RDX: variants seen among roughly 807,000 people sequenced by gnomAD.
RDX encodes the protein deafness, autosomal recessive 24.
RDX carries 32 observed loss-of-function variants against 83.7 expected under a neutral mutation model. The ratio of observed to expected loss-of-function variants is 0.38; its 90% confidence interval spans 0.29 to 0.51. The LOEUF is 0.51. Among genes scored for constraint, RDX ranks in the 20% least tolerant of loss-of-function variants. The pLI, the probability that RDX is intolerant of heterozygous loss-of-function variation, is 0.87. For missense variants in RDX, 600 were observed against 689.9 expected (o/e 0.87, Z 1.46); for synonymous variants, 229 against 222.7 (o/e 1.03, Z -0.25).
At position 110,256,996 on chromosome 11, in the gene RDX, G is replaced by A. The variant is rs1384458008; in HGVS notation, c.698+771C>T. On this transcript the variant is annotated intron_variant, in intron 7 of 13. Transcript: ENST00000645495. ...ATTAATTACTGGCATAGACTTGCAT[G>A]CTTATGTGGTATGGTAAATAAATTA... Among the ~76,000 whole-genome samples the A allele has an allele frequency of 3.3e-5, 5 of 151,100 alleles. 1 individual carries two copies. Among genetic ancestry groups the A allele is most frequent in the Non-Finnish European group, 7.4e-5 (5 of 67,838 alleles).
chr11:110,212,725 A>T (rs1368493976), intron 14 of RDX, among the ~76,000 whole-genome samples: 1 of 121,676 alleles, frequency 8.2e-6, no homozygotes, highest in African/African-American at 3.3e-5. Context: ...ACAGAGCCAA[A>T]GACAAAAACC....
chr11:110,223,021 G>A (rs1864305494), intron 14 of RDX, among the ~76,000 whole-genome samples: 1 of 152,002 alleles, frequency 6.6e-6, no homozygotes, highest in South Asian at 2.1e-4. Context: ...TACAATGAAC[G>A]ATTATATGTC....
chr11:110,276,322 C>A (rs1057378171), intron 2 of RDX, among the ~76,000 whole-genome samples: 1 of 152,016 alleles, frequency 6.6e-6, no homozygotes. Context: ...AATCAAGTAT[C>A]TGCATAAGTG....
At position 110,266,203 on chromosome 11, in the gene RDX, T is replaced by TGG. The variant is rs1367792399; in HGVS notation, c.97-1330_97-1329insCC. Among the ~76,000 whole-genome samples the TGG allele has an allele frequency of 6.7e-3, 1,009 of 150,076 alleles. 18 individuals are homozygous for TGG. Among genetic ancestry groups the TGG allele is most frequent in the African/African-American group, 0.02 (834 of 40,896 alleles). On this transcript the variant is annotated intron_variant, in intron 3 of 13. Transcript: ENST00000645495. The stretch of plus-strand genomic sequence containing the variant: ...AAAAAATTAGCTGGGCGTGGTGGCA[T>TGG]GCGCCTGTAGTCCCAGCCACTTGGG...
At chr11:110,288,551 C>A (rs1354855747) in intron 1 of RDX, among the ~76,000 whole-genome samples, 1 of 152,142 alleles carries the variant, frequency 6.6e-6, no homozygotes, top group Non-Finnish European at 1.5e-5. Flanking sequence ...TAATTCTACC[C>A]TTAATGTGCT....
chr11:110,296,381 G>C (rs1240774418), intron 1 of RDX, 86 bp downstream of exon 1: 3 of 151,664 alleles, frequency 2.0e-5, no homozygotes, highest in African/African-American at 4.8e-5. Context: ...CGGGCAGCAC[G>C]GGCCCCGCAA....
At chr11:110,243,975 C>T (rs796207446) in intron 10 of RDX, among the ~76,000 whole-genome samples, 32 of 152,146 alleles carry the variant, frequency 2.1e-4, no homozygotes, top group African/African-American at 7.7e-4. Context: ...AATACAGTTA[C>T]CACATGACCC....
chr11:110,269,336 G>A (rs1475618508), intron 3 of RDX, among the ~76,000 whole-genome samples: 1 of 152,036 alleles, frequency 6.6e-6, no homozygotes, highest in Non-Finnish European at 1.5e-5. Flanking sequence ...ACTCTTTGGG[G>A]GTATGAACAC....
At chr11:110,275,645 T>C (rs1860483466) in intron 2 of RDX, among the ~76,000 whole-genome samples, 1 of 152,188 alleles carries the variant, frequency 6.6e-6, no homozygotes, top group South Asian at 2.1e-4. Flanking sequence ...TTGTCAGTTA[T>C]TTCTTACAAA....
intron 14 of RDX, among the ~76,000 whole-genome samples, chr11:110,218,881 T>G (rs1310303404): frequency 4.6e-5 from 7 of 152,138 alleles, no homozygotes; most frequent in Non-Finnish European, 1.0e-4. Flanking sequence ...AGCTCATCTA[T>G]CCATTCGTTT....
At chr11:110,225,842 T>G (rs1591125986), downstream of RDX, among the ~76,000 whole-genome samples, 1 of 149,926 alleles carries the variant, frequency 6.7e-6, no homozygotes, top group East Asian at 1.9e-4. Context: ...AGGTTAGGAG[T>G]TCAAGACCAG....
intron 14 of RDX, among the ~76,000 whole-genome samples, chr11:110,203,430 A>G (rs1355097658): frequency 1.3e-5 from 2 of 151,488 alleles, no homozygotes; most frequent in East Asian, 3.9e-4. Flanking sequence ...AAAAAAAAAA[A>G]AAGTAGAAAG....
At chr11:110,234,384 G>C (rs1864757170) in intron 12 of RDX, among the ~76,000 whole-genome samples, 1 of 152,176 alleles carries the variant, frequency 6.6e-6, no homozygotes, top group South Asian at 2.1e-4. Flanking sequence ...CTGAACACTT[G>C]TCTGGCAAAT....
At chr11:110,191,825 C>T (rs1863108828) in intron 15 of RDX, among the ~76,000 whole-genome samples, 1 of 152,250 alleles carries the variant, frequency 6.6e-6, no homozygotes, top group South Asian at 2.1e-4. Context: ...CACTGTACTC[C>T]AGCCTGGGTG....
intron 1 of RDX, among the ~76,000 whole-genome samples, chr11:110,283,919 C>A (rs1487614797): frequency 2.0e-5 from 3 of 151,914 alleles, no homozygotes; most frequent in African/African-American, 7.2e-5. Flanking sequence ...GCAAAGTAAT[C>A]AAATGGTTAA....
At chr11:110,184,091 G>C (rs1479573445) in intron 15 of RDX, among the ~76,000 whole-genome samples, 2 of 152,218 alleles carry the variant, frequency 1.3e-5, no homozygotes, top group African/African-American at 2.4e-5. Context: ...AGATACTGTA[G>C]AATAACAGGA....
intron 1 of RDX, among the ~76,000 whole-genome samples, chr11:110,295,941 G>A (rs1196592206): frequency 1.3e-5 from 2 of 152,186 alleles, no homozygotes; most frequent in Non-Finnish European, 2.9e-5. Flanking sequence ...GGGGCGGAAC[G>A]CACGCTCTCT....
chr11:110,237,112 A>G (rs1486554209), intron 11 of RDX, among the ~76,000 whole-genome samples: 2 of 149,268 alleles, frequency 1.3e-5, no homozygotes, highest in African/African-American at 4.9e-5. Context: ...AACATATTAT[A>G]TATCTATAAT....
At chr11:110,183,049 G>A (rs1398351179) in intron 15 of RDX, among the ~76,000 whole-genome samples, 4 of 152,198 alleles carry the variant, frequency 2.6e-5, no homozygotes, top group Non-Finnish European at 5.9e-5. Context: ...CCAGACCACA[G>A]GAGTCAGCCC....
Sources: allele counts gnomAD v4.1 joint callset (sites outside exome capture counted in the v4.1 genomes callset), GRCh38; gene constraint gnomAD v4.1.1; transcripts MANE v1.5; gene names NCBI Gene and HGNC (gene_info 2026-07-23, HGNC 2026-07-21).